HDAC9: variants seen among roughly 807,000 people sequenced by gnomAD.
The protein encoded by HDAC9 is histone deacetylase 9.
A neutral mutation model predicts 139.4 loss-of-function variants in HDAC9; 41 were observed. The ratio of observed to expected loss-of-function variants is 0.29; its 90% CI spans 0.23 to 0.38. HDAC9 has a LOEUF of 0.38. Ranked by LOEUF, HDAC9 falls within the 10% of genes least tolerant of loss-of-function variation. The pLI is 1.00. For missense variants in HDAC9, 1,147 were observed against 1,297.0 expected (o/e 0.88, Z 1.78); for synonymous variants, 517 against 476.2 (o/e 1.09, Z -1.12).
intron 1 of HDAC9, among the ~76,000 whole-genome samples, chr7:18,090,531 A>G (rs947694217): frequency 6.6e-6 from 1 of 152,166 alleles, no homozygotes; most frequent in Non-Finnish European, 1.5e-5. Context: ...TCAACTACCT[A>G]CTGCCCTTTT....
intron 1 of HDAC9, among the ~76,000 whole-genome samples, chr7:18,480,755 G>T (rs1762459872): frequency 1.3e-5 from 2 of 151,828 alleles, no homozygotes; most frequent in South Asian, 4.1e-4. Flanking sequence ...GTTCTTAAGT[G>T]ATTTTTTTCT....
At chr7:18,122,779 G>A (rs1317067605) in intron 1 of HDAC9, among the ~76,000 whole-genome samples, 2 of 151,884 alleles carry the variant, frequency 1.3e-5, no homozygotes, top group African/African-American at 2.4e-5. Flanking sequence ...CCACCATACC[G>A]AGCTAATTTT....
At chr7:18,875,192 A>C (rs1300891943) in intron 22 of HDAC9, among the ~76,000 whole-genome samples, 1 of 152,166 alleles carries the variant, frequency 6.6e-6, no homozygotes, top group African/African-American at 2.4e-5. Context: ...CATTTGAATA[A>C]TACAACCTAA....
chr7:18,555,976 T>C (rs1738954903), intron 2 of HDAC9, among the ~76,000 whole-genome samples: 1 of 152,110 alleles, frequency 6.6e-6, no homozygotes, highest in Admixed American at 6.5e-5. Flanking sequence ...GTGATTTTTT[T>C]CTACATGGTA....
intron 1 of HDAC9, among the ~76,000 whole-genome samples, chr7:18,344,023 T>C (rs1208446092): frequency 6.6e-6 from 1 of 151,882 alleles, no homozygotes; most frequent in Admixed American, 6.6e-5. Flanking sequence ...TTACAATTTC[T>C]TCTGTGTTGA....
chr7:18,767,233 T>C, intron 16 of HDAC9, 78 bp downstream of exon 16: 1 of 791,642 alleles, frequency 1.3e-6, no homozygotes, highest in Non-Finnish European at 2.0e-6. Context: ...TCTATTCAGT[T>C]TTAGGGTTAT....
chr7:18,945,394 C>A (rs1782305832), intron 23 of HDAC9, among the ~76,000 whole-genome samples: 1 of 152,134 alleles, frequency 6.6e-6, no homozygotes. Context: ...TTTAGCAATT[C>A]TTTATAGGTT....
At chr7:18,444,924 C>T (rs1226368056) in intron 1 of HDAC9, among the ~76,000 whole-genome samples, 1 of 152,132 alleles carries the variant, frequency 6.6e-6, no homozygotes, top group Non-Finnish European at 1.5e-5. Context: ...TCTTTCTCAT[C>T]TCTTTCATTT....
intron 11 of HDAC9, among the ~76,000 whole-genome samples, chr7:18,663,198 G>C (rs1348509661): frequency 7.2e-5 from 11 of 151,994 alleles, no homozygotes. Context: ...GAGTAATGCA[G>C]GGTTACTGAT....
chr7:18,435,197 T>TA (rs376377190), intron 1 of HDAC9, among the ~76,000 whole-genome samples: 3 of 151,766 alleles, frequency 2.0e-5, no homozygotes, highest in African/African-American at 7.2e-5. Flanking sequence ...ACTTGGGAGC[T>TA]AAACATAGAC....
chr7:18,615,406 T>A (rs929020320), intron 6 of HDAC9, among the ~76,000 whole-genome samples: 1 of 152,168 alleles, frequency 6.6e-6, no homozygotes, highest in Non-Finnish European at 1.5e-5. Context: ...CATTCAAGTT[T>A]TGGAAATTGC....
intron 1 of HDAC9, among the ~76,000 whole-genome samples, chr7:18,095,228 C>G (rs190887565): frequency 8.5e-5 from 13 of 152,198 alleles, no homozygotes; most frequent in Admixed American, 5.2e-4. Context: ...CTGATTACTA[C>G]AACACACTGA....
intron 1 of HDAC9, among the ~76,000 whole-genome samples, chr7:18,147,129 C>T (rs984350307): frequency 6.6e-6 from 1 of 150,966 alleles, no homozygotes; most frequent in Non-Finnish European, 1.5e-5. Context: ...AATCATCTCC[C>T]TTTTTTTTTG....
At chr7:18,436,834 T>C (rs1791246853) in intron 1 of HDAC9, among the ~76,000 whole-genome samples, 1 of 152,170 alleles carries the variant, frequency 6.6e-6, no homozygotes, top group Non-Finnish European at 1.5e-5. Flanking sequence ...AGGAATAGAT[T>C]TGATGTGATG....
chr7:18,384,643 C>T (rs936662889), intron 1 of HDAC9, among the ~76,000 whole-genome samples: 1 of 151,854 alleles, frequency 6.6e-6, no homozygotes, highest in African/African-American at 2.4e-5. Context: ...GTAAATACTC[C>T]AAAATCACTG....
At chr7:18,785,049 A>G (rs1352719586) in intron 16 of HDAC9, among the ~76,000 whole-genome samples, 1 of 151,898 alleles carries the variant, frequency 6.6e-6, no homozygotes, top group Non-Finnish European at 1.5e-5. Flanking sequence ...TTTGCCAATG[A>G]TATTATATAA....
chr7:18,688,245 A>G (rs1034642104), intron 12 of HDAC9, among the ~76,000 whole-genome samples: 1 of 151,886 alleles, frequency 6.6e-6, no homozygotes, highest in Non-Finnish European at 1.5e-5. Context: ...CTCAGAGAGC[A>G]AGAAATGATG....
intron 25 of HDAC9, among the ~76,000 whole-genome samples, chr7:18,988,821 C>T (rs952408365): frequency 1.1e-4 from 17 of 151,518 alleles, no homozygotes; most frequent in African/African-American, 3.9e-4. Context: ...TATGTAATGG[C>T]CTTCTTTGTC....
chr7:18,868,139 T>C (rs1364489852), intron 21 of HDAC9, among the ~76,000 whole-genome samples: 1 of 152,318 alleles, frequency 6.6e-6, no homozygotes, highest in East Asian at 1.9e-4. Flanking sequence ...CAACATGGTC[T>C]TCTTATATGC....
Sources: allele counts gnomAD v4.1 joint callset (sites outside exome capture counted in the v4.1 genomes callset), GRCh38; gene constraint gnomAD v4.1.1; transcripts MANE v1.5; gene names NCBI Gene and HGNC (gene_info 2026-07-23, HGNC 2026-07-21).